RMND1: variants seen among roughly 807,000 people sequenced by gnomAD.
RMND1 encodes required for meiotic nuclear division protein 1 homolog.
RMND1 carries 41 observed loss-of-function variants against 54.0 expected under a neutral mutation model. The ratio of observed to expected loss-of-function variants is 0.76; its 90% CI spans 0.59 to 0.98. The LOEUF (loss-of-function observed/expected upper bound fraction) is 0.98. Ranked by LOEUF, RMND1 falls within the 50% of genes least tolerant of loss-of-function variation. The pLI is 0.00. For missense variants in RMND1, 457 were observed against 532.0 expected (o/e 0.86, Z 1.39); for synonymous variants, 183 against 181.7 (o/e 1.01, Z -0.06).
chr6:151,414,057 T>C (rs1320866636), intron 10 of RMND1: 1 of 152,200 alleles, frequency 6.6e-6, no homozygotes, highest in Non-Finnish European at 1.5e-5. Flanking sequence ...TTTGAAATTA[T>C]AAATCATGTA....
intron 2 of RMND1, among the ~76,000 whole-genome samples, chr6:151,443,712 T>C (rs1780859411): frequency 6.6e-6 from 1 of 152,236 alleles, no homozygotes; most frequent in Admixed American, 6.5e-5. Flanking sequence ...TGTTACATAA[T>C]GTCTCCTATA....
At chr6:151,406,802 G>A (rs1562780523) in intron 10 of RMND1, among the ~76,000 whole-genome samples, 2 of 152,174 alleles carry the variant, frequency 1.3e-5, no homozygotes, top group African/African-American at 2.4e-5. Flanking sequence ...TCACAGGTAC[G>A]TGTTCAGGGG....
At chr6:151,427,976 C>T (rs1442889957) in intron 5 of RMND1, among the ~76,000 whole-genome samples, 1 of 151,944 alleles carries the variant, frequency 6.6e-6, no homozygotes, top group African/African-American at 2.4e-5. Flanking sequence ...CCTGTCTCTA[C>T]AAAAAAATAC....
chr6:151,414,905 AAG>A (rs1397542601), intron 10 of RMND1, among the ~76,000 whole-genome samples: 1 of 152,228 alleles, frequency 6.6e-6, no homozygotes, highest in Non-Finnish European at 1.5e-5. Context: ...TGCTGAAAGA[AAG>A]AAAACTGTCT....
chr6:151,437,900 G>C (rs3800273), intron 2 of RMND1, among the ~76,000 whole-genome samples: 79,809 of 151,948 alleles, frequency 0.53, 23,142 homozygotes, highest in African/African-American at 0.78. Context: ...AATCAATAAA[G>C]TATCTACTCA....
chr6:151,442,339 TTC>T lies in RMND1; in HGVS notation c.504+2967_504+2968del, dbSNP rs1053931878. ...ATTTACGTTTATCATGAGCAATGTA[TTC>T]TGTTATTTTCTATTCTATTTCATTT... On this transcript the variant is annotated intron_variant, in intron 2 of 11. Transcript: ENST00000444024. Among the ~76,000 whole-genome samples the T allele has an allele frequency of 3.5e-3, 536 of 152,284 alleles. 15 individuals are homozygous for T. Among genetic ancestry groups the T allele is most frequent in the African/African-American group, 6.5e-4 (27 of 41,554 alleles).
In RMND1 at chr6:151,421,080, C is replaced by T. The variant is rs544276770; in HGVS notation, c.1079+165G>A. 3 of 581,624 alleles carry T rather than the reference C, an allele frequency of 5.2e-6. No homozygotes were observed. The African/African-American group carries it at 5.6e-5, about 11-fold the overall frequency. 36.0% of individuals were successfully genotyped at this position (581,624 alleles called of 1,614,324 possible). ...TCAGTACAGTCTTAACACAGCCCAA[C>T]TACTTCTAATGGGTAAGAGTTCTCC... On this transcript the variant is annotated intron_variant, in intron 9 of 11. Transcript: ENST00000444024.
chr6:151,406,962 C>G (rs1779646346), intron 10 of RMND1, among the ~76,000 whole-genome samples: 1 of 151,886 alleles, frequency 6.6e-6, no homozygotes, highest in Non-Finnish European at 1.5e-5. Flanking sequence ...GAGTTGGAGA[C>G]CAGCCTGGGC....
At chr6:151,427,791 G>A (rs2114945934) in intron 5 of RMND1, among the ~76,000 whole-genome samples, 1 of 152,306 alleles carries the variant, frequency 6.6e-6, no homozygotes, top group South Asian at 2.1e-4. Flanking sequence ...AAACACAGAT[G>A]AGAATGGAGA....
At position 151,405,186 on chromosome 6, in the gene RMND1, AT is replaced by A; in HGVS notation, c.*48del. ...CGCCGGGCCGAACATTTAATTTTTG[AT>A]TGTAGAACTTGAATATCTCTTGCAG... is the stretch of plus-strand genomic sequence containing the variant. On this transcript the variant is annotated 3_prime_UTR_variant, in exon 12 of 12. Coordinates refer to ENST00000444024, the MANE Select transcript of RMND1 (RefSeq NM_017909.4). 2 of 1,561,146 alleles carry A rather than the reference AT, an allele frequency of 1.3e-6. No homozygotes were observed. Among genetic ancestry groups the A allele is most frequent in the East Asian group, 2.2e-5 (1 of 44,480 alleles).
At position 151,428,063 on chromosome 6, in the gene RMND1, G is replaced by A. The variant is rs564096157; in HGVS notation, c.730-481C>T. Reference sequence around the variant, plus strand: ...GGCTGGCTTGAGCCTGGGAGGTGGCGGTTGCAGTGAGCCAATGTCAGCCGG... The same window carrying A: ...GGCTGGCTTGAGCCTGGGAGGTGGCAGTTGCAGTGAGCCAATGTCAGCCGG... On this transcript the variant is annotated intron_variant, in intron 5 of 11. Coordinates refer to ENST00000444024, the MANE Select transcript of RMND1 (RefSeq NM_017909.4). Among the ~76,000 whole-genome samples, 15 of 152,176 alleles carry A rather than the reference G, an allele frequency of 9.9e-5. No homozygotes were observed. In the East Asian group the frequency reaches 2.5e-3, roughly 25 times the overall value.
intron 4 of RMND1, among the ~76,000 whole-genome samples, chr6:151,431,488 G>A (rs905619953): frequency 1.3e-4 from 20 of 152,088 alleles, no homozygotes; most frequent in African/African-American, 4.8e-4. Flanking sequence ...TTCAGGATAC[G>A]GATTTGAGAG....
rs930585720 is a variant in RMND1, at chr6:151,445,731, A to T, written c.81T>A (p.His27Gln). Residue 27 changes from histidine (H) to glutamine (Q), a missense_variant, in exon 2 of 12, where the codon CAT becomes CAA. His to Gln is a conservative substitution (Grantham distance 24). Transcript: ENST00000444024. ...ATTCCTTAAGTGGTTTTAACATTAG[A>T]TGACCGATTCTTCGGCACTGATGTG... ...SKAHQCRRIG[H>Q]LMLKPLKEFE... 1.2e-6 allele frequency: 2 copies of T among 1,613,944 alleles called. No individual in the cohort carries two copies. Among genetic ancestry groups the T allele is most frequent in the Admixed American group, 1.7e-5 (1 of 60,002 alleles).
intron 9 of RMND1, among the ~76,000 whole-genome samples, chr6:151,419,304 A>G (rs1780089144): frequency 6.6e-6 from 1 of 151,080 alleles, no homozygotes; most frequent in Non-Finnish European, 1.5e-5. Flanking sequence ...GCCTCAAGCA[A>G]TCCACCTGTC....
chr6:151,429,482 A>AT (rs1045594826), intron 5 of RMND1, among the ~76,000 whole-genome samples: 10 of 152,178 alleles, frequency 6.6e-5, no homozygotes, highest in Admixed American at 1.3e-4. Context: ...AGAAATAGAT[A>AT]TTTTTTTACA....
At position 151,445,673 on chromosome 6, in the gene RMND1, G is replaced by C; in HGVS notation, c.139C>G (p.Arg47Gly). Residue 47 changes from arginine (R) to glycine (G), a missense_variant, in exon 2 of 12, where the codon CGT (arginine) becomes GGT (glycine). Arg to Gly is a moderately radical substitution (Grantham distance 125). Coordinates refer to ENST00000444024, the MANE Select transcript of RMND1 (RefSeq NM_017909.4). ...GGAAGGAACAAATCCAAGCTTTGACGTATTGTCAGTGTGCTGCATGTTGTA... is the reference window on the plus strand; with the variant it reads ...GGAAGGAACAAATCCAAGCTTTGACCTATTGTCAGTGTGCTGCATGTTGTA... ...ENTTCSTLTI[R>G]QSLDLFLPDK... 1 of 1,614,096 alleles carries C rather than the reference G, an allele frequency of 6.2e-7. No individual in the cohort carries two copies. The highest frequency in any genetic ancestry group is 2.2e-5 in the East Asian group (1 of 44,870).
At position 151,405,166 on chromosome 6, in the gene RMND1, G is replaced by A. The variant is rs1030864239; in HGVS notation, c.*69C>T. The A allele has an allele frequency of 1.1e-5, 16 of 1,462,308 alleles. No homozygotes were observed. The African/African-American group carries it at 2.0e-4, about 18-fold the overall frequency. The allele number at this position is 1,462,308 out of a possible 1,614,324, so 90.6% of individuals were successfully genotyped here. A position where few individuals can be genotyped will look rare whatever the true frequency, so the allele number is the denominator to read the frequency against. On this transcript the variant is annotated 3_prime_UTR_variant, in exon 12 of 12. Transcript: ENST00000444024. ...ATTACAGGCATGAGGCACCGCGCCGGGCCGAACATTTAATTTTTGATTGTA... is the reference window on the plus strand; with the variant it reads ...ATTACAGGCATGAGGCACCGCGCCGAGCCGAACATTTAATTTTTGATTGTA...
intron 2 of RMND1, among the ~76,000 whole-genome samples, chr6:151,444,052 A>G: frequency 6.6e-6 from 1 of 152,240 alleles, no homozygotes; most frequent in East Asian, 1.9e-4. Flanking sequence ...AAAAAATCTA[A>G]AGAAAAATAG....
At chr6:151,426,650 A>G (rs1780303918) in intron 6 of RMND1, among the ~76,000 whole-genome samples, 1 of 152,186 alleles carries the variant, frequency 6.6e-6, no homozygotes, top group African/African-American at 2.4e-5. Flanking sequence ...TAACATTTCC[A>G]TTTTGGGGCT....
Sources: allele counts gnomAD v4.1 joint callset (sites outside exome capture counted in the v4.1 genomes callset), GRCh38; gene constraint gnomAD v4.1.1; transcripts MANE v1.5; gene names NCBI Gene and HGNC (gene_info 2026-07-23, HGNC 2026-07-21).